Variants in KMT5C observed in about 807,000 individuals in gnomAD.
KMT5C encodes the protein lysine methyltransferase 5C, also known as histone-lysine N-methyltransferase KMT5C.
KMT5C carries 16 observed loss-of-function variants against 38.2 expected under a neutral mutation model. The ratio of observed to expected loss-of-function variants is 0.42; its 90% confidence interval spans 0.28 to 0.64. KMT5C has a LOEUF of 0.64. Among genes scored for constraint, KMT5C ranks in the 30% least tolerant of loss-of-function variants. The pLI, the probability that KMT5C is intolerant of heterozygous loss-of-function variation, is 0.23. For synonymous variants in KMT5C, 291 were observed against 279.0 expected, an observed-to-expected ratio of 1.04 and a Z score of -0.43; for missense variants, 598 against 665.1, an observed-to-expected ratio of 0.90 and a Z score of 1.11.
rs2089566429 is a variant in KMT5C at position 55,342,238 on chromosome 19, A to G, written c.134A>G (p.Gln45Arg). ...NVSPVPPLRR[Q>R]QHLRSALETF... ...AGCCCTGTGCCCCCCCTGCGGCGAC[A>G]GCAGCACCTGCGCTCAGCGCTGGAA... Residue 45 changes from glutamine (Q) to arginine (R), a missense_variant, in exon 3 of 9, where the codon CAG becomes CGG. Transcript: ENST00000255613. The G allele has an allele frequency of 1.9e-6, 3 of 1,610,252 alleles. No homozygotes were observed. The East Asian group carries it at 6.7e-5, about 36-fold the overall frequency.
In KMT5C at chr19:55,347,167, A is replaced by T. The variant is rs2089630905; in HGVS notation, c.1107A>T (p.Arg369=). Residue 369 remains arginine, a synonymous_variant, in exon 9 of 9, where the codon CGA becomes CGT. Transcript: ENST00000255613. This position sits in a 1 kb window ranked among gnomAD's most constrained non-coding sequence, Gnocchi z 4.6. ...GCTGTGGCCCCCACTGCCGCCTGCG[A>T]GGAGAGGCCCTGGTGGCCCTGGGCC... ...WGGCGPHCRL[R]GEALVALGQP... 1 of 1,536,600 alleles carries T rather than the reference A, an allele frequency of 6.5e-7. No individual in the cohort carries two copies. Among genetic ancestry groups the T allele is most frequent in the Non-Finnish European group, 8.7e-7 (1 of 1,146,876 alleles).
rs1466294467 is a variant in KMT5C, at chr19:55,342,328, C to CCCGCTACTTCCAGAG, written c.228_242dup (p.Tyr77_Arg81dup). On this transcript the variant is annotated inframe_insertion, in exon 3 of 9. Coordinates refer to ENST00000255613, the MANE Select transcript of KMT5C (RefSeq NM_032701.4). ...GCCCTGACGCTGGGAGGCTGGACGGCCCGCTACTTCCAGAGCCGGGGCCCG... is the reference window on the plus strand; with the variant it reads ...GCCCTGACGCTGGGAGGCTGGACGGCCCGCTACTTCCAGAGCCGCTACTTCCAGAGCCGGGGCCCG... The CCCGCTACTTCCAGAG allele has an allele frequency of 6.4e-7, 1 of 1,566,688 alleles. No individual in the cohort carries two copies. The highest frequency in any genetic ancestry group is 8.6e-7 in the Non-Finnish European group (1 of 1,157,876).
intron 2 of KMT5C, 59 bp from the exon 3 acceptor site, chr19:55,342,156 T>C (rs1043098184): frequency 6.3e-7 from 1 of 1,590,250 alleles, no homozygotes; most frequent in Non-Finnish European, 8.6e-7. Context: ...CAGCTCCAAG[T>C]GGGGGTTGGG....
chr19:55,342,221 G>GC lies in KMT5C; in HGVS notation c.124dup (p.Leu42ProfsTer92), dbSNP rs769842795. On this transcript the variant is annotated frameshift_variant, in exon 3 of 9. Transcript: ENST00000255613. LOFTEE classifies it high-confidence loss of function. ...GGCATGCCCTCTCCCCCAGCCCTGT[G>GC]CCCCCCCTGCGGCGACAGCAGCACC... 12 of 1,609,206 alleles carry GC rather than the reference G, an allele frequency of 7.5e-6. No homozygotes were observed. Among genetic ancestry groups the GC allele is most frequent in the East Asian group, 2.2e-5 (1 of 44,722 alleles).
At position 55,347,807 on chromosome 19, in the gene KMT5C, G is replaced by T; in HGVS notation, c.*358G>T. Reference sequence around the variant, plus strand: ...CCCACGGCATCTCCCCAGAAGTACAGGCCTCAGGAGGAGGTGGAACTGATG... The same window carrying T: ...CCCACGGCATCTCCCCAGAAGTACATGCCTCAGGAGGAGGTGGAACTGATG... On this transcript the variant is annotated 3_prime_UTR_variant, in exon 9 of 9. Transcript: ENST00000255613. This position sits in a 1 kb window ranked among gnomAD's most constrained non-coding sequence, Gnocchi z 4.6. The T allele has an allele frequency of 3.9e-6, 1 of 253,304 alleles. No individual in the cohort carries two copies. The highest frequency in any genetic ancestry group is 7.5e-6 in the Non-Finnish European group (1 of 134,152). The allele number at this position is 253,304 out of a possible 1,614,324, so 15.7% of individuals were successfully genotyped here. A position where few individuals can be genotyped will look rare whatever the true frequency, so the allele number is the denominator to read the frequency against.
chr19:55,344,197 C>T (rs2089591413), intron 6 of KMT5C, 200 bp downstream of exon 6: 1 of 509,882 alleles, frequency 2.0e-6, no homozygotes, highest in Non-Finnish European at 3.5e-6. Flanking sequence ...CCCATCTCTA[C>T]TAAAAACACA....
chr19:55,347,525 CT>C lies in KMT5C; in HGVS notation c.*78del. 6.8e-7 allele frequency: 1 copy of C among 1,466,758 alleles called. No homozygotes were observed. 90.9% of individuals were successfully genotyped at this position (1,466,758 alleles called of 1,614,324 possible). The stretch of plus-strand genomic sequence containing the variant: ...CTACCCAGGACCTCCAGAAGGAGCC[CT>C]TGGACCTCTGGGAGGGAGCTGACCC... On this transcript the variant is annotated 3_prime_UTR_variant, in exon 9 of 9. Coordinates refer to ENST00000255613, the MANE Select transcript of KMT5C (RefSeq NM_032701.4). This position sits in a 1 kb window ranked among gnomAD's most constrained non-coding sequence, Gnocchi z 4.6.
intron 8 of KMT5C, 85 bp from the exon 9 acceptor site, chr19:55,346,871 C>T: frequency 1.3e-6 from 1 of 779,914 alleles, no homozygotes; most frequent in South Asian, 1.6e-5. Context: ...AGGGCTGCCT[C>T]CTTGTCCAGA....
At position 55,347,433 on chromosome 19, in the gene KMT5C, G is replaced by A. The variant is rs2089635502; in HGVS notation, c.1373G>A (p.Gly458Asp). ...CACGGCTCCATCGACCTGGATGTCGGCGGTGAAGAGCTGTGACAGGCCGGA... is the reference window on the plus strand; with the variant it reads ...CACGGCTCCATCGACCTGGATGTCGACGGTGAAGAGCTGTGACAGGCCGGA... ...VSHGSIDLDV[G>D]GEEL Residue 458 changes from glycine (G) to aspartate (D), a missense_variant, in exon 9 of 9, where the codon GGC (glycine) becomes GAC (aspartate). By Grantham distance (94) the Gly-to-Asp change is moderately conservative. This residue lies in a region of KMT5C where 326 missense variants were observed against 298.1 expected (regional missense o/e 1.09). Transcript: ENST00000255613. The surrounding 1 kb of genome is among the most constrained non-coding windows in gnomAD (Gnocchi z 4.6). The A allele has an allele frequency of 1.3e-6, 2 of 1,543,578 alleles. No homozygotes were observed. The highest frequency in any genetic ancestry group is 1.7e-6 in the Non-Finnish European group (2 of 1,151,444).
At chr19:55,341,375 G>A (rs866422089) in intron 1 of KMT5C, among the ~76,000 whole-genome samples, 2 of 152,166 alleles carry the variant, frequency 1.3e-5, no homozygotes, top group African/African-American at 2.4e-5. Context: ...GAGGCAGGGG[G>A]CGGAGACCGA....
rs568032122 is a variant in KMT5C at position 55,346,474 on chromosome 19, C to T, written c.708-26C>T. On this transcript the variant is annotated intron_variant, in intron 7 of 8. Coordinates refer to ENST00000255613, the MANE Select transcript of KMT5C (RefSeq NM_032701.4). ...CTCTCATCTCCCTTCCACCCGGCCT[C>T]ATCTCCCCTTCACCCGGTCTCCCAG... 59 of 1,593,372 alleles carry T rather than the reference C, an allele frequency of 3.7e-5. 1 individual carries two copies. The South Asian group carries it at 6.6e-4, about 18-fold the overall frequency.
chr19:55,346,379 G>A (rs1569022109), intron 7 of KMT5C, 30 bp downstream of exon 7: 8 of 1,613,390 alleles, frequency 5.0e-6, no homozygotes, highest in East Asian at 2.2e-5. Flanking sequence ...GGCTGGGTTC[G>A]GGTCGTCTGG....
At position 55,346,358 on chromosome 19, in the gene KMT5C, G is replaced by T. The variant is rs368982761; in HGVS notation, c.707+9G>T. 6.2e-7 allele frequency: 1 copy of T among 1,613,924 alleles called. No individual in the cohort carries two copies. ...TGCCACACCTGTGAGAGGTGGGACC[G>T]GGCGAGAGGCGGCTGGGTTCGGGTC... On this transcript the variant is annotated intron_variant, in intron 7 of 8. Transcript: ENST00000255613.
At chr19:55,346,856 A>G (rs2089625136) in intron 8 of KMT5C, 100 bp from the exon 9 acceptor site, 3 of 575,198 alleles carry the variant, frequency 5.2e-6, no homozygotes, top group East Asian at 9.6e-5. Flanking sequence ...TGGGGAGCGC[A>G]GGGCAGGGCT....
At chr19:55,341,632 T>C (rs1387985214) in intron 1 of KMT5C, 162 bp from the exon 2 acceptor site, 7 of 408,624 alleles carry the variant, frequency 1.7e-5, no homozygotes, top group Non-Finnish European at 3.2e-5. Context: ...GTGGGGGTTG[T>C]GTGTTTAGGG....
Position 55,339,909 on chromosome 19 carries a change from G to A in KMT5C, c.-192G>A. The stretch of plus-strand genomic sequence containing the variant: ...ACGAGAGCCGAAGGAGGCTGTGGGA[G>A]GTGTTGGCGGCGGCGGCGCGGGCGC... On this transcript the variant is annotated 5_prime_UTR_variant, in exon 1 of 9. Coordinates refer to ENST00000255613, the MANE Select transcript of KMT5C (RefSeq NM_032701.4). The A allele has an allele frequency of 6.5e-6, 1 of 154,572 alleles. No individual in the cohort carries two copies. The highest frequency in any genetic ancestry group is 1.9e-4 in the East Asian group (1 of 5,242). 9.6% of individuals were successfully genotyped at this position (154,572 alleles called of 1,614,324 possible). A position where few individuals can be genotyped will look rare whatever the true frequency, so the allele number is the denominator to read the frequency against.
intron 3 of KMT5C, 66 bp from the exon 4 acceptor site, chr19:55,342,676 T>G (rs1600262130): frequency 1.1e-6 from 1 of 916,722 alleles, no homozygotes; most frequent in Non-Finnish European, 1.8e-6. Context: ...AGGCCTAGAG[T>G]CCTGGAGAGA....
intron 1 of KMT5C, 149 bp from the exon 2 acceptor site, chr19:55,341,645 G>T (rs2089558295): frequency 2.1e-6 from 1 of 466,944 alleles, no homozygotes; most frequent in Non-Finnish European, 3.9e-6. Flanking sequence ...GTTTAGGGGG[G>T]ATCTGTGTCT....
At position 55,343,323 on chromosome 19, in the gene KMT5C, A is replaced by G. The variant is rs1406156238; in HGVS notation, c.387-357A>G. On this transcript the variant is annotated intron_variant, in intron 4 of 8. Transcript: ENST00000255613. This position sits in a 1 kb window ranked among gnomAD's most constrained non-coding sequence, Gnocchi z 5.5. ...CTCCCAGGGCGAGGCTCACACTGAC[A>G]GGGGAAGCACCCGCCTGAGGGTCTG... 1.2e-5 allele frequency: 4 copies of G among 347,200 alleles called. No individual in the cohort carries two copies. The highest frequency in any genetic ancestry group is 2.2e-5 in the Non-Finnish European group (4 of 184,012). The allele number at this position is 347,200 out of a possible 1,614,324, so 21.5% of individuals were successfully genotyped here.
Sources: gnomAD v4.1 joint callset for allele counts (sites outside exome capture counted in the v4.1 genomes callset) on GRCh38, gnomAD v4.1.1 for gene constraint, gnomAD v4.1.1 regional missense constraint, Gnocchi (gnomAD v3.1) non-coding constraint, MANE v1.5 for transcripts, NCBI Gene and HGNC (gene_info 2026-07-23, HGNC 2026-07-21) for gene names.